CHGA: variants seen among roughly 807,000 people sequenced by gnomAD.
CHGA encodes the protein chromogranin-A.
Under a neutral mutation model 54.4 loss-of-function variants are expected in CHGA, and 41 were observed. The ratio of observed to expected loss-of-function variants is 0.75; its 90% confidence interval spans 0.59 to 0.98. The LOEUF is 0.98. Ranked by LOEUF, CHGA falls within the 50% of genes least tolerant of loss-of-function variation. The probability of loss-of-function intolerance (pLI) is 0.00; values close to 1 mark genes in which losing one functional copy is unlikely to be tolerated. For synonymous variants in CHGA, 249 were observed against 232.8 expected (o/e 1.07, Z -0.63); for missense variants, 576 against 582.3 (o/e 0.99, Z 0.11).
chr14:92,925,926 A>G (rs762428668), intron 2 of CHGA, among the ~76,000 whole-genome samples: 4 of 152,178 alleles, frequency 2.6e-5, no homozygotes, highest in Non-Finnish European at 5.9e-5. Flanking sequence ...CTAATTATCC[A>G]CAGCACCTTT....
Position 92,923,177 on chromosome 14 carries a change from G to C in CHGA, c.-183G>C, listed in dbSNP as rs542111654. 25 of 415,340 alleles carry C rather than the reference G, an allele frequency of 6.0e-5. No homozygotes were observed. The South Asian group carries it at 1.7e-3, about 28-fold the overall frequency. 25.7% of individuals were successfully genotyped at this position (415,340 alleles called of 1,614,324 possible). Reference sequence around the variant, plus strand: ...CACCGCTCCTGCCACTGCAGTGCTCGAGCCCCGTGCAGGGGAGCTTGCGGG... The same window carrying C: ...CACCGCTCCTGCCACTGCAGTGCTCCAGCCCCGTGCAGGGGAGCTTGCGGG... On this transcript the variant is annotated 5_prime_UTR_variant, in exon 1 of 8. Coordinates refer to ENST00000216492, the MANE Select transcript of CHGA (RefSeq NM_001275.4).
intron 1 of CHGA, 122 bp from the exon 2 acceptor site, chr14:92,924,077 T>G: frequency 8.1e-6 from 9 of 1,115,312 alleles, no homozygotes; most frequent in Non-Finnish European, 1.2e-5. Flanking sequence ...TAGCCTCTCT[T>G]TTTGGTGGGG....
intron 7 of CHGA, among the ~76,000 whole-genome samples, chr14:92,933,996 C>T (rs1483275886): frequency 1.3e-5 from 2 of 152,144 alleles, no homozygotes; most frequent in Non-Finnish European, 2.9e-5. Context: ...GGGCCTCCTC[C>T]AAGACTAAGG....
chr14:92,929,171 G>A (rs1000590827), intron 4 of CHGA, among the ~76,000 whole-genome samples: 2 of 152,218 alleles, frequency 1.3e-5, no homozygotes, highest in African/African-American at 2.4e-5. Context: ...GCCAACCCTG[G>A]GCTCAGATGT....
chr14:92,923,482 G>T, intron 1 of CHGA, 77 bp downstream of exon 1: 1 of 1,176,810 alleles, frequency 8.5e-7, no homozygotes, highest in East Asian at 3.2e-5. Flanking sequence ...ACCGCGCGGC[G>T]CCCCGCACCC....
chr14:92,926,505 C>A, intron 2 of CHGA, 100 bp from the exon 3 acceptor site: 1 of 951,692 alleles, frequency 1.1e-6, no homozygotes, highest in Non-Finnish European at 1.7e-6. Context: ...AAGACAAAAG[C>A]AAATACCCTC....
In CHGA at chr14:92,934,955, G is replaced by A; in HGVS notation, c.*71G>A. 1 of 1,351,124 alleles carries A rather than the reference G, an allele frequency of 7.4e-7. No individual in the cohort carries two copies. 83.7% of individuals were successfully genotyped at this position (1,351,124 alleles called of 1,614,324 possible). On this transcript the variant is annotated 3_prime_UTR_variant, in exon 8 of 8. Transcript: ENST00000216492. Reference sequence around the variant, plus strand: ...CTCTGCTGTCCCCTTGGCAGGTCCTGGCCAGATGGCCCGGATGCTGCTTCC... The same window carrying A: ...CTCTGCTGTCCCCTTGGCAGGTCCTAGCCAGATGGCCCGGATGCTGCTTCC...
rs1420412337 is a variant in CHGA, at chr14:92,934,972, G to A, written c.*88G>A. On this transcript the variant is annotated 3_prime_UTR_variant, in exon 8 of 8. Coordinates refer to ENST00000216492, the MANE Select transcript of CHGA (RefSeq NM_001275.4). The stretch of plus-strand genomic sequence containing the variant: ...CAGGTCCTGGCCAGATGGCCCGGAT[G>A]CTGCTTCCGGTAGGGAGGCAGCCTC... The A allele has an allele frequency of 9.9e-6, 11 of 1,106,808 alleles. No individual in the cohort carries two copies. The highest frequency in any genetic ancestry group is 5.8e-5 in the East Asian group (2 of 34,230). 68.6% of individuals were successfully genotyped at this position (1,106,808 alleles called of 1,614,324 possible).
chr14:92,930,601 G>A (rs1379975239), intron 5 of CHGA, among the ~76,000 whole-genome samples: 4 of 152,248 alleles, frequency 2.6e-5, no homozygotes, highest in African/African-American at 9.6e-5. Context: ...CCCGCAAACT[G>A]TGAGATGGAC....
At chr14:92,934,674 G>A (rs1233201845) in intron 7 of CHGA, 127 bp from the exon 8 acceptor site, 1 of 677,446 alleles carries the variant, frequency 1.5e-6, no homozygotes, top group Non-Finnish European at 2.6e-6. Flanking sequence ...CTCCATGATG[G>A]ATGAGGGTAC....
At position 92,926,645 on chromosome 14, in the gene CHGA, C is replaced by T. The variant is rs527243791; in HGVS notation, c.134C>T (p.Ser45Phe). The change falls in exon 3 of 8, where the codon TCC (serine) becomes TTC (phenylalanine). Residue 45 changes from serine (S) to phenylalanine (F), a missense_variant. Transcript: ENST00000216492. ...CIVEVISDTL[S>F]KPSPMPVSQE... ...GTTGAGGTCATCTCCGACACACTTT[C>T]CAAGCCCAGCCCCATGCCTGTCAGC... is the stretch of plus-strand genomic sequence containing the variant. 4.0e-5 allele frequency: 65 copies of T among 1,613,922 alleles called. No homozygotes were observed. Among genetic ancestry groups the T allele is most frequent in the Non-Finnish European group, 5.4e-5 (64 of 1,180,036 alleles).
chr14:92,934,729 G>A lies in CHGA; in HGVS notation c.1291-72G>A, dbSNP rs9658670. On this transcript the variant is annotated intron_variant, in intron 7 of 7. Coordinates refer to ENST00000216492, the MANE Select transcript of CHGA (RefSeq NM_001275.4). Reference sequence around the variant, plus strand: ...TCCGAGGCCACACAGCTAACCCAGCGCCTTTCTGGCTTACTGTGCCTTCCA... The same window carrying A: ...TCCGAGGCCACACAGCTAACCCAGCACCTTTCTGGCTTACTGTGCCTTCCA... The A allele has an allele frequency of 6.7e-3, 7,820 of 1,170,994 alleles. 353 individuals carry two copies. In the African/African-American group the frequency reaches 0.1, roughly 15 times the overall value. 72.5% of individuals were successfully genotyped at this position (1,170,994 alleles called of 1,614,324 possible).
Position 92,935,177 on chromosome 14 carries a change from G to C in CHGA, c.*293G>C. 1 of 412,966 alleles carries C rather than the reference G, an allele frequency of 2.4e-6. No individual in the cohort carries two copies. Among genetic ancestry groups the C allele is most frequent in the Non-Finnish European group, 4.3e-6 (1 of 234,996 alleles). The allele number at this position is 412,966 out of a possible 1,614,324, so 25.6% of individuals were successfully genotyped here. A position where few individuals can be genotyped will look rare whatever the true frequency, so the allele number is the denominator to read the frequency against. ...TCCCTTCCTCCATCCTATCCACTGGGCACAACTGCAATAACTTCTGACCTT... is the reference window on the plus strand; with the variant it reads ...TCCCTTCCTCCATCCTATCCACTGGCCACAACTGCAATAACTTCTGACCTT... On this transcript the variant is annotated 3_prime_UTR_variant, in exon 8 of 8. Transcript: ENST00000216492.
intron 2 of CHGA, among the ~76,000 whole-genome samples, chr14:92,924,462 G>A (rs909513840): frequency 6.6e-6 from 1 of 152,248 alleles, no homozygotes; most frequent in African/African-American, 2.4e-5. Context: ...AGCTGCACAT[G>A]CAGCGGAAGA....
intron 5 of CHGA, 112 bp downstream of exon 5, chr14:92,929,927 AT>A: frequency 1.3e-6 from 1 of 779,368 alleles, no homozygotes; most frequent in Non-Finnish European, 2.1e-6. Flanking sequence ...ATAATCCCTT[AT>A]TTCCCTCTCT....
At position 92,926,713 on chromosome 14, in the gene CHGA, C is replaced by CT; in HGVS notation, c.187+16dup. ...ACTCCGAGGAGGTATGAGCTGGAGG[C>CT]TAGGGGTGAGGGCTGCTGCCTGCTG... On this transcript the variant is annotated intron_variant, in intron 3 of 7. Coordinates refer to ENST00000216492, the MANE Select transcript of CHGA (RefSeq NM_001275.4). 1.9e-6 allele frequency: 3 copies of CT among 1,610,328 alleles called. No homozygotes were observed. Among genetic ancestry groups the CT allele is most frequent in the Non-Finnish European group, 2.5e-6 (3 of 1,176,784 alleles).
intron 4 of CHGA, 152 bp from the exon 5 acceptor site, chr14:92,929,565 T>TC: frequency 1.5e-6 from 1 of 687,542 alleles, no homozygotes; most frequent in Non-Finnish European, 2.5e-6. Flanking sequence ...CCTTCACCGC[T>TC]CCCCAAGCTC....
At chr14:92,933,541 A>G (rs1887056858) in intron 7 of CHGA, among the ~76,000 whole-genome samples, 1 of 151,866 alleles carries the variant, frequency 6.6e-6, no homozygotes, top group Admixed American at 6.6e-5. Flanking sequence ...GGTCCCTGGC[A>G]GCTAGGCGGC....
chr14:92,932,929 T>C lies in CHGA; in HGVS notation c.1290+78T>C, dbSNP rs1566675895. On this transcript the variant is annotated intron_variant, in intron 7 of 7. Transcript: ENST00000216492. The surrounding 1 kb of genome is among the most constrained non-coding windows in gnomAD (Gnocchi z 5.3). Reference sequence around the variant, plus strand: ...CAGCCGCACCCAGACACACTGCCCCTGCCCCACTGAGGGGACAGGGCCCCC... The same window carrying C: ...CAGCCGCACCCAGACACACTGCCCCCGCCCCACTGAGGGGACAGGGCCCCC... The C allele has an allele frequency of 1.4e-6, 2 of 1,440,328 alleles. No individual in the cohort carries two copies. Among genetic ancestry groups the C allele is most frequent in the Non-Finnish European group, 1.8e-6 (2 of 1,093,648 alleles). The allele number at this position is 1,440,328 out of a possible 1,614,324, so 89.2% of individuals were successfully genotyped here. A position where few individuals can be genotyped will look rare whatever the true frequency, so the allele number is the denominator to read the frequency against.
Sources: allele counts gnomAD v4.1 joint callset (sites outside exome capture counted in the v4.1 genomes callset), GRCh38; gene constraint gnomAD v4.1.1; non-coding constraint Gnocchi (gnomAD v3.1); transcripts MANE v1.5; gene names NCBI Gene and HGNC (gene_info 2026-07-23, HGNC 2026-07-21).